Variants in ADAMTS20 observed in about 807,000 individuals in gnomAD.
ADAMTS20 encodes A disintegrin and metalloproteinase with thrombospondin motifs 20.
ADAMTS20 carries 225 observed loss-of-function variants against 260.1 expected under a neutral mutation model. The ratio of observed to expected loss-of-function variants is 0.87; its 90% confidence interval spans 0.78 to 0.97. ADAMTS20 has a LOEUF of 0.97. ADAMTS20 is among the 50% of genes least tolerant of loss of function. The pLI, the probability that ADAMTS20 is intolerant of heterozygous loss-of-function variation, is 0.00. For missense variants in ADAMTS20, 2,400 were observed against 2,337.7 expected (o/e 1.03, Z -0.55); for synonymous variants, 802 against 769.5 (o/e 1.04, Z -0.70).
chr12:43,534,439 C>T (rs1249474095), intron 2 of ADAMTS20, among the ~76,000 whole-genome samples: 1 of 152,138 alleles, frequency 6.6e-6, no homozygotes, highest in African/African-American at 2.4e-5. Context: ...AATGTATTTG[C>T]CCTTTAACAC....
At chr12:43,367,059 A>T (rs1432466486) in intron 37 of ADAMTS20, among the ~76,000 whole-genome samples, 1 of 152,010 alleles carries the variant, frequency 6.6e-6, no homozygotes, top group Non-Finnish European at 1.5e-5. Context: ...TAAATTGGTA[A>T]TTAAAACAAC....
At chr12:43,471,373 T>A (rs1273290700) in intron 7 of ADAMTS20, among the ~76,000 whole-genome samples, 76 of 134,518 alleles carry the variant, frequency 5.6e-4, no homozygotes, top group Admixed American at 1.4e-3. Context: ...CACAGCAGTC[T>A]GAGATCAAAC....
chr12:43,524,384 A>T (rs372603501), intron 3 of ADAMTS20, among the ~76,000 whole-genome samples: 57 of 152,246 alleles, frequency 3.7e-4, no homozygotes, highest in African/African-American at 1.0e-3. Context: ...AAGAATAATT[A>T]GAAGAAATAT....
intron 38 of ADAMTS20, among the ~76,000 whole-genome samples, chr12:43,355,846 C>A (rs1051455482): frequency 1.3e-4 from 19 of 151,670 alleles, no homozygotes; most frequent in African/African-American, 3.9e-4. Context: ...GCTATAGTTA[C>A]AATAATTATA....
chr12:43,384,042 A>G (rs981780296), intron 29 of ADAMTS20, 65 bp from the exon 30 acceptor site: 2 of 1,422,478 alleles, frequency 1.4e-6, no homozygotes, highest in Non-Finnish European at 9.4e-7. Context: ...AAAAGTAGCC[A>G]ATGGAGCCAT....
intron 31 of ADAMTS20, among the ~76,000 whole-genome samples, chr12:43,380,154 T>C (rs569202974): frequency 6.6e-6 from 1 of 152,328 alleles, no homozygotes. Context: ...AGTCAATCTA[T>C]GTAATACACC....
intron 28 of ADAMTS20, among the ~76,000 whole-genome samples, chr12:43,399,598 C>G (rs904054659): frequency 1.3e-5 from 2 of 152,148 alleles, no homozygotes; most frequent in African/African-American, 4.8e-5. Flanking sequence ...CTTGTAGCAT[C>G]AATACCCATT....
chr12:43,404,127 CTCT>C (rs1277818510), intron 28 of ADAMTS20, among the ~76,000 whole-genome samples: 1 of 151,652 alleles, frequency 6.6e-6, no homozygotes, highest in African/African-American at 2.4e-5. Flanking sequence ...TGTTCTATGT[CTCT>C]TTTCTTTTCC....
chr12:43,477,736 C>A (rs929722959), intron 7 of ADAMTS20, among the ~76,000 whole-genome samples: 1 of 151,918 alleles, frequency 6.6e-6, no homozygotes, highest in Non-Finnish European at 1.5e-5. Flanking sequence ...AAATTCTAGG[C>A]GGTAAGCAAT....
At chr12:43,527,775 A>G (rs932068263) in intron 3 of ADAMTS20, among the ~76,000 whole-genome samples, 4 of 152,164 alleles carry the variant, frequency 2.6e-5, no homozygotes, top group Non-Finnish European at 4.4e-5. Context: ...TGAGAACTGG[A>G]ACAAGGCAAG....
At chr12:43,450,285 C>T (rs1941841358) in intron 14 of ADAMTS20, among the ~76,000 whole-genome samples, 1 of 152,136 alleles carries the variant, frequency 6.6e-6, no homozygotes, top group Non-Finnish European at 1.5e-5. Flanking sequence ...GCATACATTG[C>T]AATAACTCTT....
chr12:43,354,292 T>C lies in ADAMTS20; in HGVS notation c.5650A>G (p.Thr1884Ala). 1 of 1,584,340 alleles carries C rather than the reference T, an allele frequency of 6.3e-7. No homozygotes were observed. The stretch of plus-strand genomic sequence containing the variant: ...CCTCCACATTTGCCGAAAAATCTAG[T>C]TCCATCCTGAAAATCGGAAGAAGAA... ...SVSIRRSEDG[T>A]RFFGKCGGYC... The change falls in exon 39 of 39, where the codon ACT (threonine) becomes GCT (alanine). Residue 1884 changes from threonine (T) to alanine (A), a missense_variant. By Grantham distance (58) the Thr-to-Ala change is moderately conservative. Coordinates refer to ENST00000389420, the MANE Select transcript of ADAMTS20 (RefSeq NM_025003.5).
chr12:43,469,362 A>C (rs1942211880), intron 7 of ADAMTS20, among the ~76,000 whole-genome samples: 2 of 152,170 alleles, frequency 1.3e-5, no homozygotes, highest in African/African-American at 4.8e-5. Context: ...ATGCAACTCA[A>C]ATGTGCTGTT....
chr12:43,413,044 C>G (rs762760693), intron 28 of ADAMTS20, among the ~76,000 whole-genome samples: 1 of 151,914 alleles, frequency 6.6e-6, no homozygotes, highest in African/African-American at 2.4e-5. Flanking sequence ...CTTCTGACCT[C>G]GTGATCTGCC....
chr12:43,494,247 T>C (rs1285644744), intron 4 of ADAMTS20, among the ~76,000 whole-genome samples: 1 of 152,208 alleles, frequency 6.6e-6, no homozygotes, highest in Admixed American at 6.5e-5. Flanking sequence ...AAATGTTCAG[T>C]ATCTACTCAT....
chr12:43,475,934 G>A (rs1014065203), intron 7 of ADAMTS20, among the ~76,000 whole-genome samples: 3 of 130,496 alleles, frequency 2.3e-5, no homozygotes, highest in African/African-American at 5.9e-5. Flanking sequence ...ATAGGCATGG[G>A]CAAGGACTTC....
At chr12:43,532,282 A>G in intron 2 of ADAMTS20, 87 bp from the exon 3 acceptor site, 1 of 1,233,726 alleles carries the variant, frequency 8.1e-7, no homozygotes, top group Non-Finnish European at 1.1e-6. Context: ...ATGAGCAGAC[A>G]GAAGCAAAAC....
At chr12:43,514,241 C>T (rs540738239) in intron 3 of ADAMTS20, among the ~76,000 whole-genome samples, 3 of 151,856 alleles carry the variant, frequency 2.0e-5, no homozygotes, top group South Asian at 2.1e-4. Context: ...CATGAGCCCC[C>T]ATGCCTGGCC....
At chr12:43,456,096 G>A (rs926423334) in intron 11 of ADAMTS20, among the ~76,000 whole-genome samples, 1 of 152,080 alleles carries the variant, frequency 6.6e-6, no homozygotes, top group African/African-American at 2.4e-5. Context: ...TGGCCACACT[G>A]TTTCCCATAG....
Sources: allele counts gnomAD v4.1 joint callset (sites outside exome capture counted in the v4.1 genomes callset), GRCh38; gene constraint gnomAD v4.1.1; transcripts MANE v1.5; gene names NCBI Gene and HGNC (gene_info 2026-07-23, HGNC 2026-07-21).